Variants in PRKCH observed in about 807,000 individuals in gnomAD.
PRKCH encodes the protein protein kinase C eta type.
A neutral mutation model predicts 82.5 loss-of-function variants in PRKCH; 28 were observed. The ratio of observed to expected loss-of-function variants is 0.34; its 90% CI spans 0.25 to 0.47. The LOEUF (loss-of-function observed/expected upper bound fraction) is 0.47, where lower values mean the gene tolerates loss of function less well. Among genes scored for constraint, PRKCH ranks in the 20% least tolerant of loss-of-function variants. The pLI is 1.00. For synonymous variants in PRKCH, 322 were observed against 327.4 expected, an observed-to-expected ratio of 0.98 and a Z score of 0.18; for missense variants, 705 against 881.8, an observed-to-expected ratio of 0.80 and a Z score of 2.54.
At chr14:61,352,734 G>GAAAA (rs1221609125) in intron 1 of PRKCH, among the ~76,000 whole-genome samples, 1 of 148,288 alleles carries the variant, frequency 6.7e-6, no homozygotes, top group Non-Finnish European at 1.5e-5. Flanking sequence ...AAGAAAGAAA[G>GAAAA]AAAGAAAGAT....
intron 10 of PRKCH, among the ~76,000 whole-genome samples, chr14:61,491,652 C>T (rs1180782797): frequency 6.6e-6 from 1 of 152,218 alleles, no homozygotes; most frequent in Non-Finnish European, 1.5e-5. Context: ...AGCTTTCCAG[C>T]TTCTTAGAGT....
chr14:61,370,692 T>G (rs1027471941), intron 1 of PRKCH, among the ~76,000 whole-genome samples: 1 of 152,108 alleles, frequency 6.6e-6, no homozygotes, highest in Non-Finnish European at 1.5e-5. Flanking sequence ...GGAAGTAGTT[T>G]GTAGCTGATT....
At chr14:61,546,194 A>C (rs1170515821) in intron 12 of PRKCH, among the ~76,000 whole-genome samples, 1 of 152,206 alleles carries the variant, frequency 6.6e-6, no homozygotes, top group African/African-American at 2.4e-5. Context: ...GTGAGAGCCC[A>C]AGCAGTGTGA....
intron 1 of PRKCH, among the ~76,000 whole-genome samples, chr14:61,313,385 T>G (rs547031403): frequency 6.6e-6 from 1 of 152,358 alleles, no homozygotes; most frequent in African/African-American, 2.4e-5. Flanking sequence ...TTAAACCATA[T>G]TCACATGCTT....
chr14:61,461,955 CAA>C (rs1359361850), intron 9 of PRKCH, among the ~76,000 whole-genome samples: 1 of 152,196 alleles, frequency 6.6e-6, no homozygotes, highest in Non-Finnish European at 1.5e-5. Context: ...GTCATTACCG[CAA>C]AGTTACTTTT....
intron 10 of PRKCH, among the ~76,000 whole-genome samples, chr14:61,494,321 G>A (rs775316536): frequency 2.0e-5 from 3 of 152,150 alleles, no homozygotes; most frequent in Non-Finnish European, 2.9e-5. Flanking sequence ...GAAACAATTG[G>A]TATGTTCATC....
At chr14:61,252,952 G>T (rs1328985170) in intron 1 of PRKCH, among the ~76,000 whole-genome samples, 1 of 152,190 alleles carries the variant, frequency 6.6e-6, no homozygotes, top group Admixed American at 6.5e-5. Flanking sequence ...TGAGCGTATG[G>T]TGGGCAAGAG....
At chr14:61,332,939 T>TGTGGTTCTGGTA (rs1205681513) in intron 1 of PRKCH, among the ~76,000 whole-genome samples, 2 of 152,216 alleles carry the variant, frequency 1.3e-5, no homozygotes, top group Middle Eastern at 3.2e-3. Flanking sequence ...GTCAGAGTTT[T>TGTGGTTCTGGTA]GTGGTTCTGG....
chr14:61,245,617 T>C (rs2882774), intron 1 of PRKCH, among the ~76,000 whole-genome samples: 139,868 of 152,236 alleles, frequency 0.92, 65,401 homozygotes, highest in Non-Finnish European at 1. Flanking sequence ...TGATGAGAAT[T>C]AAGTAGGCAT....
intron 2 of PRKCH, among the ~76,000 whole-genome samples, chr14:61,420,037 G>A (rs947025148): frequency 6.6e-6 from 1 of 152,190 alleles, no homozygotes; most frequent in African/African-American, 2.4e-5. Flanking sequence ...CCCTGGCCCT[G>A]CTCATGGGCA....
At position 61,530,396 on chromosome 14, in the gene PRKCH, C is replaced by G. The variant is rs377593540; in HGVS notation, c.1573-11C>G. On this transcript the variant is annotated splice_polypyrimidine_tract_variant and intron_variant, in intron 11 of 13. Transcript: ENST00000332981. ...TATGAACCACCTTCTCACGCTGCCCCCTTTGCACAGATCCTCCAGGAAATG... is the reference window on the plus strand; with the variant it reads ...TATGAACCACCTTCTCACGCTGCCCGCTTTGCACAGATCCTCCAGGAAATG... 50 of 1,565,546 alleles carry G rather than the reference C, an allele frequency of 3.2e-5. 1 individual carries two copies. The Middle Eastern group carries it at 7.8e-4, about 25-fold the overall frequency.
intron 3 of PRKCH, 90 bp from the exon 4 acceptor site, chr14:61,445,602 G>A (rs1296480915): frequency 8.9e-7 from 1 of 1,122,436 alleles, no homozygotes; most frequent in African/African-American, 1.5e-5. Context: ...TTTCATAAAG[G>A]AGGAGAGGAT....
intron 1 of PRKCH, among the ~76,000 whole-genome samples, chr14:61,218,287 C>A (rs2044628906): frequency 6.6e-6 from 1 of 152,202 alleles, no homozygotes; most frequent in Admixed American, 6.5e-5. Context: ...CTGTCTCTGT[C>A]TCGTTACCTT....
intron 10 of PRKCH, among the ~76,000 whole-genome samples, chr14:61,493,452 T>TA (rs1407777594): frequency 6.6e-6 from 1 of 152,148 alleles, no homozygotes; most frequent in African/African-American, 2.4e-5. Context: ...ACACAGTACT[T>TA]ACCATGGAAT....
At chr14:61,481,317 C>A (rs1885960782) in intron 9 of PRKCH, among the ~76,000 whole-genome samples, 1 of 152,214 alleles carries the variant, frequency 6.6e-6, no homozygotes, top group African/African-American at 2.4e-5. Flanking sequence ...CCAAGTGGAG[C>A]TGCTGGGACC....
At chr14:61,548,518 A>G (rs2043288134) in intron 13 of PRKCH, among the ~76,000 whole-genome samples, 1 of 152,248 alleles carries the variant, frequency 6.6e-6, no homozygotes. Context: ...CTGTGGGTCA[A>G]GAGCTCCACA....
At chr14:61,275,141 C>T (rs546632655) in intron 1 of PRKCH, among the ~76,000 whole-genome samples, 1 of 152,300 alleles carries the variant, frequency 6.6e-6, no homozygotes, top group Non-Finnish European at 1.5e-5. Flanking sequence ...ATTAATCAAG[C>T]CTTCCTTTGA....
intron 1 of PRKCH, among the ~76,000 whole-genome samples, chr14:61,289,496 C>A (rs12589014): frequency 0.61 from 92,222 of 152,092 alleles, 33,083 homozygotes; most frequent in Non-Finnish European, 0.8. Context: ...TGCTTGAGTG[C>A]AGGAGTTTGA....
rs112740584 is a variant in PRKCH at position 61,428,112 on chromosome 14, CAT to C, written c.428-14980_428-14979del. On this transcript the variant is annotated intron_variant, in intron 2 of 13. Coordinates refer to ENST00000332981, the MANE Select transcript of PRKCH (RefSeq NM_006255.5). ...ACACACACACATATATATATACACA[CAT>C]ATATATATATATATATATGTATCTC... Among the ~76,000 whole-genome samples the C allele has an allele frequency of 3.2e-3, 460 of 145,438 alleles. 6 individuals are homozygous for C. Among genetic ancestry groups the C allele is most frequent in the East Asian group, 0.019 (94 of 4,894 alleles).
Sources: gnomAD v4.1 joint callset for allele counts (sites outside exome capture counted in the v4.1 genomes callset) on GRCh38, gnomAD v4.1.1 for gene constraint, MANE v1.5 for transcripts, NCBI Gene and HGNC (gene_info 2026-07-23, HGNC 2026-07-21) for gene names.